CFAP53: variants seen among roughly 807,000 people sequenced by gnomAD.
The protein encoded by CFAP53 is cilia- and flagella-associated protein 53.
In CFAP53, 62 loss-of-function variants were observed where a neutral mutation model predicts 59.7. The ratio of observed to expected loss-of-function variants is 1.04; its 90% confidence interval spans 0.85 to 1.28. The LOEUF (loss-of-function observed/expected upper bound fraction) is 1.28. Among genes scored for constraint, CFAP53 ranks in the 50% most tolerant of loss-of-function variants. The pLI is 0.00. For synonymous variants in CFAP53, 218 were observed against 205.7 expected (o/e 1.06, Z -0.51); for missense variants, 629 against 615.6 (o/e 1.02, Z -0.23).
intron 6 of CFAP53, among the ~76,000 whole-genome samples, chr18:50,242,585 T>C (rs1340483224): frequency 6.6e-6 from 1 of 152,194 alleles, no homozygotes; most frequent in Non-Finnish European, 1.5e-5. Flanking sequence ...GAGGGACAGA[T>C]ACAAAGGACA....
At chr18:50,256,248 T>C (rs1357843428) in intron 3 of CFAP53, 1 of 152,186 alleles carries the variant, frequency 6.6e-6, no homozygotes, top group South Asian at 2.1e-4. Flanking sequence ...GAATGGTCCA[T>C]TGAGAGTCAC....
intron 3 of CFAP53, among the ~76,000 whole-genome samples, chr18:50,253,728 T>C (rs2033822324): frequency 6.6e-6 from 1 of 152,218 alleles, no homozygotes; most frequent in African/African-American, 2.4e-5. Flanking sequence ...CCTAAGTTTG[T>C]CCATTTCATA....
intron 3 of CFAP53, among the ~76,000 whole-genome samples, chr18:50,260,152 T>C (rs150078435): frequency 6.6e-6 from 1 of 152,108 alleles, no homozygotes; most frequent in South Asian, 2.1e-4. Flanking sequence ...GGGTAGTCTA[T>C]CAGGGCACAG....
chr18:50,251,270 C>A (rs921341250), intron 4 of CFAP53, among the ~76,000 whole-genome samples: 7 of 152,232 alleles, frequency 4.6e-5, no homozygotes, highest in African/African-American at 1.7e-4. Context: ...CCATTCTCCA[C>A]CTGTGGGTGC....
intron 3 of CFAP53, among the ~76,000 whole-genome samples, chr18:50,254,578 T>C (rs2033830402): frequency 6.6e-6 from 1 of 152,126 alleles, no homozygotes; most frequent in East Asian, 1.9e-4. Context: ...TAGTTTAGTG[T>C]TTATTAAAAA....
chr18:50,234,967 T>G (rs570802664), intron 7 of CFAP53, among the ~76,000 whole-genome samples: 3 of 152,234 alleles, frequency 2.0e-5, no homozygotes, highest in Non-Finnish European at 2.9e-5. Context: ...GCTAAAGTCA[T>G]GGCCATCAAG....
At chr18:50,245,642 G>A (rs1186501104) in intron 5 of CFAP53, among the ~76,000 whole-genome samples, 1 of 152,160 alleles carries the variant, frequency 6.6e-6, no homozygotes, top group Non-Finnish European at 1.5e-5. Context: ...GACAGCTTAA[G>A]TTCATGAATC....
chr18:50,261,289 A>G (rs1307149000), intron 2 of CFAP53, 52 bp from the exon 3 acceptor site: 1 of 1,437,626 alleles, frequency 7.0e-7, no homozygotes, highest in South Asian at 1.5e-5. Flanking sequence ...GTCATGCTAC[A>G]TGCATCGTTA....
intron 7 of CFAP53, among the ~76,000 whole-genome samples, chr18:50,236,733 A>G (rs2033636823): frequency 6.6e-6 from 1 of 152,208 alleles, no homozygotes; most frequent in Non-Finnish European, 1.5e-5. Context: ...GAGCCTTCAG[A>G]TGAATATATA....
chr18:50,240,957 C>T lies in CFAP53; in HGVS notation c.1213+1943G>A, dbSNP rs115437524. Among the ~76,000 whole-genome samples the T allele has an allele frequency of 9.3e-3, 1,417 of 152,312 alleles. 30 individuals carry two copies. The highest frequency in any genetic ancestry group is 0.032 in the African/African-American group (1,339 of 41,562). ...CTCTCAACAAACATCCTTCTGTGACCAAGCACTGCTTGAAGCTGAGGGAAC... is the reference window on the plus strand; with the variant it reads ...CTCTCAACAAACATCCTTCTGTGACTAAGCACTGCTTGAAGCTGAGGGAAC... On this transcript the variant is annotated intron_variant, in intron 6 of 7. Transcript: ENST00000398545.
At position 50,227,557 on chromosome 18, in the gene CFAP53, A is replaced by G. The variant is rs2033537134; in HGVS notation, c.1369T>C (p.Tyr457His). ...TCTGCTTCTTGGGACTGCTGCTGGTAGGCGATTTGCATCTGAAGTTGCTTC... is the reference window on the plus strand; with the variant it reads ...TCTGCTTCTTGGGACTGCTGCTGGTGGGCGATTTGCATCTGAAGTTGCTTC... ...YRKQLQMQIA[Y>H]QQQSQEAEKE... Residue 457 changes from tyrosine (Y) to histidine (H), a missense_variant, in exon 8 of 8, where the codon TAC becomes CAC. By Grantham distance (83) the Tyr-to-His change is moderately conservative. Transcript: ENST00000398545. The G allele has an allele frequency of 6.2e-7, 1 of 1,614,172 alleles. No homozygotes were observed. Among genetic ancestry groups the G allele is most frequent in the Non-Finnish European group, 8.5e-7 (1 of 1,180,016 alleles).
At chr18:50,241,404 C>A (rs2033688695) in intron 6 of CFAP53, among the ~76,000 whole-genome samples, 1 of 152,144 alleles carries the variant, frequency 6.6e-6, no homozygotes, top group African/African-American at 2.4e-5. Context: ...CCGCTCAAGG[C>A]ATGAGTCAAT....
chr18:50,254,227 A>T (rs1333485993), intron 3 of CFAP53, among the ~76,000 whole-genome samples: 1 of 151,906 alleles, frequency 6.6e-6, no homozygotes, highest in East Asian at 1.9e-4. Flanking sequence ...CTTAAAACTT[A>T]ACAGCTAAAA....
intron 7 of CFAP53, among the ~76,000 whole-genome samples, chr18:50,230,059 C>G (rs1046194354): frequency 2.0e-5 from 3 of 152,082 alleles, no homozygotes; most frequent in African/African-American, 7.2e-5. Flanking sequence ...TGCCTGGCCT[C>G]TTTGTAGTTT....
intron 5 of CFAP53, among the ~76,000 whole-genome samples, chr18:50,249,151 C>T (rs1286458842): frequency 2.7e-5 from 4 of 146,214 alleles, no homozygotes; most frequent in Admixed American, 2.1e-4. Flanking sequence ...TGCAGTGAGC[C>T]GAGATCACGC....
intron 7 of CFAP53, among the ~76,000 whole-genome samples, chr18:50,233,704 C>T (rs2033603993): frequency 6.6e-6 from 1 of 152,216 alleles, no homozygotes; most frequent in South Asian, 2.1e-4. Context: ...GCACTTACTC[C>T]TCCCAGTAAT....
intron 3 of CFAP53, among the ~76,000 whole-genome samples, chr18:50,252,930 C>G (rs2033814691): frequency 6.6e-6 from 1 of 152,182 alleles, no homozygotes; most frequent in Non-Finnish European, 1.5e-5. Flanking sequence ...GCAAGAAGAC[C>G]ACTTGAACTC....
intron 7 of CFAP53, among the ~76,000 whole-genome samples, chr18:50,236,049 C>T (rs2033629743): frequency 6.6e-6 from 1 of 152,158 alleles, no homozygotes; most frequent in African/African-American, 2.4e-5. Context: ...TGTTCATGGC[C>T]CAGGACATAC....
In CFAP53 at chr18:50,227,333, G is replaced by C. The variant is rs1386619715; in HGVS notation, c.*48C>G. 1 of 1,475,774 alleles carries C rather than the reference G, an allele frequency of 6.8e-7. No homozygotes were observed. Among genetic ancestry groups the C allele is most frequent in the African/African-American group, 1.4e-5 (1 of 72,120 alleles). The allele number at this position is 1,475,774 out of a possible 1,614,324, so 91.4% of individuals were successfully genotyped here. ...AAAAGAAGCATACAAGCATACTGTA[G>C]TTAAAAATATTAAAAGACCAAGAAA... On this transcript the variant is annotated 3_prime_UTR_variant, in exon 8 of 8. Coordinates refer to ENST00000398545, the MANE Select transcript of CFAP53 (RefSeq NM_145020.5).
Sources: gnomAD v4.1 joint callset for allele counts (sites outside exome capture counted in the v4.1 genomes callset) on GRCh38, gnomAD v4.1.1 for gene constraint, MANE v1.5 for transcripts, NCBI Gene and HGNC (gene_info 2026-07-23, HGNC 2026-07-21) for gene names.